Variants in TENM1 observed in about 807,000 individuals in gnomAD.
TENM1 encodes the protein teneurin-1.
Under a neutral mutation model 174.8 loss-of-function variants are expected in TENM1, and 35 were observed. The ratio of observed to expected loss-of-function variants is 0.20; its 90% CI spans 0.15 to 0.27. The LOEUF is 0.27. Among genes scored for constraint, TENM1 ranks in the 10% least tolerant of loss-of-function variants. The pLI is 1.00. For synonymous variants in TENM1, 781 were observed against 798.7 expected (o/e 0.98, Z 0.37); for missense variants, 1,633 against 2,130.1 (o/e 0.77, Z 4.59).
At chrX:124,763,677 G>A (rs1462977852) in intron 3 of TENM1, among the ~76,000 whole-genome samples, 3 of 111,782 alleles carry the variant, frequency 2.7e-5, no homozygotes, top group Non-Finnish European at 5.6e-5. Flanking sequence ...CTCTATTGTA[G>A]AGCCATTTAT....
chrX:125,077,348 A>G, the TENM1 span, among the ~76,000 whole-genome samples: 1 of 111,200 alleles, frequency 9.0e-6, no homozygotes, highest in Admixed American at 9.6e-5. Flanking sequence ...TTTGAGCTCC[A>G]TGGGTTGATT....
intron 15 of TENM1, among the ~76,000 whole-genome samples, chrX:124,533,846 C>T (rs1456485208): frequency 9.0e-6 from 1 of 111,208 alleles, no homozygotes; most frequent in South Asian, 3.8e-4. Flanking sequence ...GTACGCTCAA[C>T]GGCAGGCATT....
the TENM1 span, among the ~76,000 whole-genome samples, chrX:125,099,661 T>C: frequency 9.0e-6 from 1 of 111,566 alleles, no homozygotes; most frequent in East Asian, 2.8e-4. Context: ...GCATTCTGTG[T>C]GTCTAGAAAG....
At chrX:124,882,435 C>T (rs891761245) in intron 3 of TENM1, among the ~76,000 whole-genome samples, 1 of 111,616 alleles carries the variant, frequency 9.0e-6, no homozygotes, top group South Asian at 3.7e-4. Flanking sequence ...GATGATCTGT[C>T]TAATGCTGAG....
the TENM1 span, among the ~76,000 whole-genome samples, chrX:125,172,187 G>A: frequency 9.0e-6 from 1 of 111,495 alleles, no homozygotes; most frequent in African/African-American, 3.3e-5. Context: ...ATGAACCTTG[G>A]AATGTTTCAC....
intron 3 of TENM1, among the ~76,000 whole-genome samples, chrX:124,738,062 C>T (rs1336604086): frequency 8.9e-6 from 1 of 111,848 alleles, no homozygotes; most frequent in South Asian, 3.8e-4. Context: ...GAATTTGGCC[C>T]ATGAGAAATA....
intron 3 of TENM1, among the ~76,000 whole-genome samples, chrX:124,808,713 T>C (rs1257815824): frequency 8.9e-6 from 1 of 111,954 alleles, no homozygotes; most frequent in Non-Finnish European, 1.9e-5. Flanking sequence ...TCAAGCAACA[T>C]GCTCTGGAAT....
At chrX:125,103,767 C>G in the TENM1 span, among the ~76,000 whole-genome samples, 4 of 112,257 alleles carry the variant, frequency 3.6e-5, no homozygotes, top group Non-Finnish European at 7.5e-5. Context: ...GGACAGGTCA[C>G]TTGAGGTCAG....
At chrX:124,822,720 A>G (rs751570757) in intron 3 of TENM1, among the ~76,000 whole-genome samples, 11 of 111,764 alleles carry the variant, frequency 9.8e-5, no homozygotes, top group Non-Finnish European at 2.1e-4. Flanking sequence ...GCCTCTCTCA[A>G]GAAGTGCTTA....
At chrX:124,519,502 C>A (rs770275707) in intron 18 of TENM1, among the ~76,000 whole-genome samples, 1 of 110,853 alleles carries the variant, frequency 9.0e-6, no homozygotes, top group African/African-American at 3.3e-5. Flanking sequence ...ATGCTAGACA[C>A]TTCCAAGGGA....
intron 3 of TENM1, among the ~76,000 whole-genome samples, chrX:124,886,312 A>G (rs2057382770): frequency 1.8e-5 from 2 of 109,943 alleles, no homozygotes; most frequent in Middle Eastern, 9.8e-3. Flanking sequence ...TTTAATAGCT[A>G]CGTTATTTGT....
intron 1 of TENM1, among the ~76,000 whole-genome samples, chrX:124,945,226 GC>G (rs2058384834): frequency 9.0e-6 from 1 of 111,572 alleles, no homozygotes; most frequent in Non-Finnish European, 1.9e-5. Context: ...AATAGTGATT[GC>G]CTATATTTTT....
Position 124,932,677 on chromosome X carries a change from G to T in TENM1, c.217+30860C>A, listed in dbSNP as rs1421092016. Reference sequence around the variant, plus strand: ...GGAAATGCTAGAAAGAATCCAGAAAGAATGTATGAAACTAAGATGCAAAGG... The same window carrying T: ...GGAAATGCTAGAAAGAATCCAGAAATAATGTATGAAACTAAGATGCAAAGG... On this transcript the variant is annotated intron_variant, in intron 1 of 31. Transcript: ENST00000422452. 7.2e-5 allele frequency among the ~76,000 whole-genome samples: 8 copies of T among 111,755 alleles called. No individual in the cohort carries two copies. In the Admixed American group the frequency reaches 7.6e-4, roughly 11 times the overall value.
intron 3 of TENM1, among the ~76,000 whole-genome samples, chrX:124,760,550 G>A (rs950562293): frequency 3.6e-5 from 4 of 111,669 alleles, no homozygotes; most frequent in Non-Finnish European, 7.5e-5. Flanking sequence ...AATTCAAGAT[G>A]GATTAAAGAC....
At chrX:124,406,662 AT>A (rs928960477) in intron 25 of TENM1, among the ~76,000 whole-genome samples, 173 bp from the exon 29 acceptor site, 3 of 112,102 alleles carry the variant, frequency 2.7e-5, no homozygotes, top group African/African-American at 9.7e-5. Flanking sequence ...AAACGAAGGT[AT>A]TTTTTGCAGC....
the TENM1 span, among the ~76,000 whole-genome samples, chrX:125,100,663 T>A: frequency 8.9e-6 from 1 of 112,070 alleles, no homozygotes; most frequent in Non-Finnish European, 1.9e-5. Context: ...ACTACGTTTT[T>A]GTTTGCTTGC....
At chrX:124,472,257 A>T (rs1232098152) in intron 22 of TENM1, among the ~76,000 whole-genome samples, 1 of 97,542 alleles carries the variant, frequency 1.0e-5, no homozygotes, top group Non-Finnish European at 2.0e-5. Flanking sequence ...GATGAAGAGG[A>T]GACATTTTAA....
the TENM1 span, among the ~76,000 whole-genome samples, chrX:125,081,827 CTTG>C: frequency 1.8e-5 from 2 of 111,082 alleles, no homozygotes; most frequent in Non-Finnish European, 3.8e-5. Context: ...AAAATGGAAT[CTTG>C]TTTTTTGCAG....
At chrX:124,471,214 T>TA (rs1424120534) in intron 22 of TENM1, among the ~76,000 whole-genome samples, 26 of 46,526 alleles carry the variant, frequency 5.6e-4, no homozygotes, top group East Asian at 1.9e-3. Flanking sequence ...TAGTACTATA[T>TA]ATTATAATAT....
Sources: gnomAD v4.1 joint callset for allele counts (sites outside exome capture counted in the v4.1 genomes callset) on GRCh38, gnomAD v4.1.1 for gene constraint, MANE v1.5 for transcripts, NCBI Gene and HGNC (gene_info 2026-07-23, HGNC 2026-07-21) for gene names.